CACNB4: variants seen among roughly 807,000 people sequenced by gnomAD.
CACNB4 encodes the protein voltage-dependent L-type calcium channel subunit beta-4.
Under a neutral mutation model 71.2 loss-of-function variants are expected in CACNB4, and 32 were observed. The ratio of observed to expected loss-of-function variants is 0.45; its 90% CI spans 0.34 to 0.60. The LOEUF is 0.60. Among genes scored for constraint, CACNB4 ranks in the 20% least tolerant of loss-of-function variants. The probability of loss-of-function intolerance (pLI) is 0.01; values close to 1 mark genes in which losing one functional copy is unlikely to be tolerated. For synonymous variants in CACNB4, 231 were observed against 236.9 expected, an observed-to-expected ratio of 0.97 and a Z score of 0.23; for missense variants, 464 against 647.9, an observed-to-expected ratio of 0.72 and a Z score of 3.08.
intron 2 of CACNB4, among the ~76,000 whole-genome samples, chr2:152,006,127 G>A (rs1385373531): frequency 6.6e-6 from 1 of 152,042 alleles, no homozygotes; most frequent in Admixed American, 6.6e-5. Flanking sequence ...ATATGCCCTC[G>A]ACACCACTCT....
intron 9 of CACNB4, among the ~76,000 whole-genome samples, chr2:151,862,132 A>G (rs1176601011): frequency 1.3e-5 from 2 of 152,078 alleles, no homozygotes; most frequent in Non-Finnish European, 2.9e-5. Flanking sequence ...CAGTTAGTAC[A>G]CCCATTCTCT....
intron 2 of CACNB4, among the ~76,000 whole-genome samples, chr2:152,021,364 T>A (rs1276579664): frequency 6.6e-6 from 1 of 152,140 alleles, no homozygotes; most frequent in Non-Finnish European, 1.5e-5. Context: ...ATTTCAAATT[T>A]AAAAAAATTA....
At chr2:152,023,527 C>T (rs191643908) in intron 2 of CACNB4, among the ~76,000 whole-genome samples, 8 of 152,174 alleles carry the variant, frequency 5.3e-5, no homozygotes, top group East Asian at 3.9e-4. Flanking sequence ...CTCTGCCTCC[C>T]GGGTTCAAGC....
At chr2:151,917,859 T>C (rs2099857936) in intron 2 of CACNB4, among the ~76,000 whole-genome samples, 1 of 142,224 alleles carries the variant, frequency 7.0e-6, no homozygotes, top group Admixed American at 7.1e-5. Context: ...AAAAGAACAT[T>C]TCTGAAATGA....
chr2:152,024,300 C>G (rs1372019915), intron 2 of CACNB4, among the ~76,000 whole-genome samples: 1 of 152,184 alleles, frequency 6.6e-6, no homozygotes, highest in Non-Finnish European at 1.5e-5. Context: ...ACCTCTGTGC[C>G]TGGGCAACAG....
chr2:151,886,394 T>G (rs2099849376), intron 2 of CACNB4, among the ~76,000 whole-genome samples: 1 of 152,216 alleles, frequency 6.6e-6, no homozygotes, highest in Admixed American at 6.5e-5. Context: ...CTACTGCCAC[T>G]AGAAGACAGC....
At position 151,957,514 on chromosome 2, in the gene CACNB4, T is replaced by C. The variant is rs16830498; in HGVS notation, c.148-74144A>G. ...TTATTTAAAGAAAGACATTCATACTTCAAAGTGCTTACCACCCCAAATAAG... is the reference window on the plus strand; with the variant it reads ...TTATTTAAAGAAAGACATTCATACTCCAAAGTGCTTACCACCCCAAATAAG... On this transcript the variant is annotated intron_variant, in intron 2 of 13. Coordinates refer to ENST00000539935, the MANE Select transcript of CACNB4 (RefSeq NM_000726.5). Among the ~76,000 whole-genome samples, 6,496 of 152,212 alleles carry C rather than the reference T, an allele frequency of 0.043. 837 individuals carry two copies. The East Asian group carries it at 0.46, about 11-fold the overall frequency.
At chr2:152,091,605 T>C (rs775365594) in intron 2 of CACNB4, among the ~76,000 whole-genome samples, 1 of 152,056 alleles carries the variant, frequency 6.6e-6, no homozygotes, top group Non-Finnish European at 1.5e-5. Flanking sequence ...ACCACTGCAC[T>C]CCAGCCTGGG....
Position 151,838,509 on chromosome 2 carries a change from C to CT in CACNB4, c.*609dup, listed in dbSNP as rs1341260002. 1 of 152,228 alleles carries CT rather than the reference C, an allele frequency of 6.6e-6. No homozygotes were observed. The highest frequency in any genetic ancestry group is 1.9e-4 in the East Asian group (1 of 5,196). The allele number at this position is 152,228 out of a possible 1,614,324, so 9.4% of individuals were successfully genotyped here. The stretch of plus-strand genomic sequence containing the variant: ...GATTTCTGAGATTTTTTTTTTGGCA[C>CT]TATCAATACATTTGGTAAGTCTGAA... On this transcript the variant is annotated 3_prime_UTR_variant, in exon 14 of 14. Transcript: ENST00000539935.
At chr2:151,974,331 G>A (rs553440953) in intron 2 of CACNB4, among the ~76,000 whole-genome samples, 1 of 152,176 alleles carries the variant, frequency 6.6e-6, no homozygotes, top group African/African-American at 2.4e-5. Flanking sequence ...ATGCATTTAA[G>A]TCAAAAGGGC....
chr2:152,079,769 G>A (rs1434415746), intron 2 of CACNB4, among the ~76,000 whole-genome samples: 1 of 152,124 alleles, frequency 6.6e-6, no homozygotes, highest in African/African-American at 2.4e-5. Context: ...CTGGGTAACA[G>A]AGCGATATCC....
intron 2 of CACNB4, among the ~76,000 whole-genome samples, chr2:151,901,197 C>G (rs1401253191): frequency 6.6e-6 from 1 of 151,872 alleles, no homozygotes; most frequent in Non-Finnish European, 1.5e-5. Flanking sequence ...GTTGCCCAGG[C>G]TGGTCCTGAA....
intron 2 of CACNB4, among the ~76,000 whole-genome samples, chr2:151,903,529 C>A (rs1453436368): frequency 2.0e-5 from 3 of 152,014 alleles, no homozygotes; most frequent in South Asian, 2.1e-4. Flanking sequence ...AAAAAAAATT[C>A]ATTTACTTTG....
At chr2:152,073,427 C>T (rs1015309519) in intron 2 of CACNB4, among the ~76,000 whole-genome samples, 8 of 152,138 alleles carry the variant, frequency 5.3e-5, no homozygotes, top group Admixed American at 2.6e-4. Context: ...CAATGCCATT[C>T]GCCTGTGTAG....
At chr2:151,854,054 A>T (rs1375894422) in intron 11 of CACNB4, 3 of 153,920 alleles carry the variant, frequency 1.9e-5, no homozygotes, top group Non-Finnish European at 4.3e-5. Context: ...GTATATTGCT[A>T]CATGTAAACC....
chr2:151,876,790 CTAT>C (rs2099846451), intron 4 of CACNB4, among the ~76,000 whole-genome samples: 1 of 142,514 alleles, frequency 7.0e-6, no homozygotes, highest in African/African-American at 2.6e-5. Flanking sequence ...ATACTATATA[CTAT>C]ATTTTATATA....
chr2:152,087,766 C>A (rs1687743075), intron 2 of CACNB4, among the ~76,000 whole-genome samples: 1 of 152,070 alleles, frequency 6.6e-6, no homozygotes. Flanking sequence ...GCAGTCCCAG[C>A]TACTTGGGAG....
chr2:151,902,443 A>G (rs1276909520), intron 2 of CACNB4, among the ~76,000 whole-genome samples: 2 of 152,194 alleles, frequency 1.3e-5, no homozygotes, highest in Admixed American at 6.5e-5. Flanking sequence ...CCTAGCGAAA[A>G]TGTTCCTCAA....
chr2:152,012,416 C>T (rs543353534), intron 2 of CACNB4, among the ~76,000 whole-genome samples: 2 of 152,160 alleles, frequency 1.3e-5, no homozygotes, highest in African/African-American at 4.8e-5. Context: ...CCAGCCTGAC[C>T]AACATGGTGA....
Sources: gnomAD v4.1 joint callset for allele counts (sites outside exome capture counted in the v4.1 genomes callset) on GRCh38, gnomAD v4.1.1 for gene constraint, MANE v1.5 for transcripts, NCBI Gene and HGNC (gene_info 2026-07-23, HGNC 2026-07-21) for gene names.